The following DIAPH2 variants were observed in gnomAD, a reference collection of about 807,000 sequenced individuals.
DIAPH2 encodes the protein diaphanous related formin 2.
DIAPH2 carries 35 observed loss-of-function variants against 92.7 expected under a neutral mutation model. The observed-to-expected ratio is 0.38, with a 90% CI of 0.29 to 0.50. The LOEUF (loss-of-function observed/expected upper bound fraction) is 0.50, where lower values mean the gene tolerates loss of function less well. Among genes scored for constraint, DIAPH2 ranks in the 20% least tolerant of loss-of-function variants. DIAPH2 has a pLI of 0.94. For synonymous variants in DIAPH2, 301 were observed against 280.4 expected (o/e 1.07, Z -0.73); for missense variants, 701 against 819.5 (o/e 0.86, Z 1.77).
intron 20 of DIAPH2, among the ~76,000 whole-genome samples, chrX:97,111,872 T>C (rs149342455): frequency 0.017 from 1,858 of 112,345 alleles, 35 homozygotes; most frequent in African/African-American, 0.057. Flanking sequence ...TTGTTTCACT[T>C]TTCTCATCTT....
At position 97,267,756 on chromosome X, in the gene DIAPH2, G is replaced by A. The variant is rs182215919; in HGVS notation, c.2844+19917G>A. ...TGCTTAATGAATGAGATATTCCCTGGGGAATAAATTAGGCGCCTCACGTAC... is the reference window on the plus strand; with the variant it reads ...TGCTTAATGAATGAGATATTCCCTGAGGAATAAATTAGGCGCCTCACGTAC... On this transcript the variant is annotated intron_variant, in intron 23 of 26. Coordinates refer to ENST00000324765, the MANE Select transcript of DIAPH2 (RefSeq NM_006729.5). 4.5e-5 allele frequency among the ~76,000 whole-genome samples: 5 copies of A among 111,459 alleles called. No individual in the cohort carries two copies. In the East Asian group the frequency reaches 1.1e-3, roughly 25 times the overall value.
rs2071355361 is a variant in DIAPH2 at position 97,570,095 on chromosome X, TA to T, written c.3242-29157del. On this transcript the variant is annotated intron_variant, in intron 26 of 26. Transcript: ENST00000324765. ...CTTCTAATATATATATATATATATA[TA>T]TATATATATATATATATATATATAT... Among the ~76,000 whole-genome samples, 10 of 29,949 alleles carry T rather than the reference TA, an allele frequency of 3.3e-4. 1 individual carries two copies. The highest frequency in any genetic ancestry group is 1.6e-3 in the Admixed American group (3 of 1,850). 26.0% of individuals were successfully genotyped at this position (29,949 alleles called of 115,157 possible). A position where few individuals can be genotyped will look rare whatever the true frequency, so the allele number is the denominator to read the frequency against.
chrX:97,211,467 A>G (rs768340550), intron 22 of DIAPH2, among the ~76,000 whole-genome samples: 1 of 111,852 alleles, frequency 8.9e-6, no homozygotes, highest in East Asian at 2.8e-4. Flanking sequence ...AAAGCAGGTG[A>G]TTCCTTCAGT....
chrX:97,489,600 GT>G (rs2070711683), intron 26 of DIAPH2, among the ~76,000 whole-genome samples: 1 of 110,738 alleles, frequency 9.0e-6, no homozygotes, highest in African/African-American at 3.3e-5. Flanking sequence ...TTGTGTTGAG[GT>G]AAATTCCTTG....
intron 17 of DIAPH2, among the ~76,000 whole-genome samples, chrX:97,022,593 CTTAG>C (rs1476618407): frequency 2.7e-5 from 3 of 111,112 alleles, no homozygotes; most frequent in African/African-American, 9.8e-5. Flanking sequence ...AAAATTAATA[CTTAG>C]TTGTGGAAAA....
chrX:97,216,947 G>A (rs937346707), intron 22 of DIAPH2, among the ~76,000 whole-genome samples: 2 of 111,847 alleles, frequency 1.8e-5, no homozygotes, highest in African/African-American at 6.5e-5. Context: ...ATGTAGGACA[G>A]AAACTTCTGC....
At chrX:97,041,395 G>T (rs2066447530) in intron 17 of DIAPH2, among the ~76,000 whole-genome samples, 1 of 111,567 alleles carries the variant, frequency 9.0e-6, no homozygotes, top group Non-Finnish European at 1.9e-5. Flanking sequence ...ACATTTATTT[G>T]CAGAGAAGTG....
chrX:97,129,849 G>A (rs986483145), intron 21 of DIAPH2, among the ~76,000 whole-genome samples: 2 of 110,653 alleles, frequency 1.8e-5, no homozygotes, highest in African/African-American at 3.3e-5. Flanking sequence ...GAATGTATTC[G>A]TAAATAATAT....
chrX:97,528,842 A>C (rs1442642972), intron 26 of DIAPH2: 1 of 111,668 alleles, frequency 9.0e-6, no homozygotes, highest in Non-Finnish European at 1.9e-5. Flanking sequence ...AGAGAAAAAA[A>C]GGCCAAGGTG....
intron 26 of DIAPH2, among the ~76,000 whole-genome samples, chrX:97,438,890 GC>G (rs1445683902): frequency 8.9e-6 from 1 of 111,769 alleles, no homozygotes; most frequent in Admixed American, 9.5e-5. Context: ...AATATGTGAT[GC>G]CCCCTGCTTA....
intron 7 of DIAPH2, among the ~76,000 whole-genome samples, chrX:96,914,775 GT>G (rs1378705756): frequency 1.8e-5 from 2 of 111,007 alleles, no homozygotes; most frequent in African/African-American, 3.3e-5. Context: ...CGAAATTGAT[GT>G]TTTTAGTTAG....
rs756847643 is a variant in DIAPH2, at chrX:96,702,146, CCTTTTTGTTGGATTACATTA to C, written c.132+16957_132+16976del. 2.6e-3 allele frequency among the ~76,000 whole-genome samples: 286 copies of C among 111,763 alleles called. 2 individuals are homozygous for C. The highest frequency in any genetic ancestry group is 8.7e-3 in the African/African-American group (269 of 30,808). ...CTAATAAATGTATTTTAACACATTT[CCTTTTTGTTGGATTACATTA>C]GTTGAGAAATAATAGAGCTTGAGAA... On this transcript the variant is annotated intron_variant, in intron 1 of 26. Coordinates refer to ENST00000324765, the MANE Select transcript of DIAPH2 (RefSeq NM_006729.5).
chrX:97,256,184 C>CA (rs1360019733), intron 23 of DIAPH2, among the ~76,000 whole-genome samples: 1 of 111,973 alleles, frequency 8.9e-6, no homozygotes, highest in African/African-American at 3.2e-5. Context: ...AGAAATAACA[C>CA]AAAAAAGAAG....
intron 23 of DIAPH2, among the ~76,000 whole-genome samples, chrX:97,250,253 A>G (rs2068178004): frequency 9.0e-6 from 1 of 111,715 alleles, no homozygotes; most frequent in South Asian, 3.8e-4. Flanking sequence ...TAGGGTCACA[A>G]GTATTGGAGT....
At chrX:97,323,961 A>T (rs1338321003) in intron 23 of DIAPH2, among the ~76,000 whole-genome samples, 2 of 110,612 alleles carry the variant, frequency 1.8e-5, no homozygotes, top group Non-Finnish European at 1.9e-5. Flanking sequence ...TTTATAGGCT[A>T]AATCAAATAA....
chrX:97,060,822 G>T, intron 17 of DIAPH2, among the ~76,000 whole-genome samples: 1 of 112,253 alleles, frequency 8.9e-6, no homozygotes, highest in Admixed American at 9.4e-5. Flanking sequence ...ACAGAAGACG[G>T]AGTTTGTCAT....
chrX:97,034,368 T>C (rs1216969439), intron 17 of DIAPH2, among the ~76,000 whole-genome samples: 1 of 110,886 alleles, frequency 9.0e-6, no homozygotes, highest in East Asian at 2.8e-4. Context: ...ATCTTTAAAA[T>C]AATCTACATG....
At chrX:97,193,714 G>A (rs1395804597) in intron 22 of DIAPH2, among the ~76,000 whole-genome samples, 1 of 111,816 alleles carries the variant, frequency 8.9e-6, no homozygotes, top group African/African-American at 3.2e-5. Context: ...CATGTTATAT[G>A]CATTTATTTA....
At chrX:96,816,260 G>A (rs2064734027) in intron 4 of DIAPH2, among the ~76,000 whole-genome samples, 1 of 111,339 alleles carries the variant, frequency 9.0e-6, no homozygotes, top group African/African-American at 3.3e-5. Context: ...TTCTCCTCTT[G>A]GCTACAATGA....
Sources: allele counts gnomAD v4.1 joint callset (sites outside exome capture counted in the v4.1 genomes callset), GRCh38; gene constraint gnomAD v4.1.1; transcripts MANE v1.5; gene names NCBI Gene and HGNC (gene_info 2026-07-23, HGNC 2026-07-21).